The following COMT variants were observed in gnomAD, a reference collection of about 807,000 sequenced individuals.
The protein encoded by COMT is catechol-O-methyltransferase, also known as catechol O-methyltransferase.
COMT carries 13 observed loss-of-function variants against 18.9 expected under a neutral mutation model. That is an observed-to-expected ratio of 0.69 (90% CI 0.45 to 1.09). The LOEUF (loss-of-function observed/expected upper bound fraction) is 1.09, where lower values mean the gene tolerates loss of function less well. Among genes scored for constraint, COMT ranks in the 50% least tolerant of loss-of-function variants. COMT has a pLI of 0.00. For missense variants in COMT, 329 were observed against 361.8 expected, an observed-to-expected ratio of 0.91 and a Z score of 0.73; for synonymous variants, 150 against 160.9, an observed-to-expected ratio of 0.93 and a Z score of 0.51.
chr22:19,950,246 T>TC (rs1941906092), intron 1 of COMT, among the ~76,000 whole-genome samples: 2 of 73,120 alleles, frequency 2.7e-5, no homozygotes, highest in Non-Finnish European at 5.8e-5. Context: ...CTTTTCTTTT[T>TC]TTTTTTTTTT....
intron 3 of COMT, chr22:19,963,351 C>T (rs977488145): frequency 9.8e-6 from 6 of 614,164 alleles, no homozygotes; most frequent in South Asian, 2.0e-5. Flanking sequence ...GAGCTCCAAG[C>T]GCGCTCACAG....
At chr22:19,963,228 T>A (rs1475160602) in intron 3 of COMT, 5 of 497,468 alleles carry the variant, frequency 1.0e-5, no homozygotes, top group Non-Finnish European at 1.8e-5. Context: ...GGCCCCAAGG[T>A]GGGCGGTTCG....
rs145228139 is a variant in COMT, at chr22:19,963,704, C to G, written c.428C>G (p.Pro143Arg). The change falls in exon 4 of 6, where the codon CCC becomes CGC. Residue 143 changes from proline (P) to arginine (R), a missense_variant. Coordinates refer to ENST00000361682, the MANE Select transcript of COMT (RefSeq NM_000754.4). The part of the protein sequence containing the change: ...GARLITIEIN[P>R]DCAAITQRMV... ...AGGCTCATCACCATCGAGATCAACCCCGACTGTGCCGCCATCACCCAGCGG... is the reference window on the plus strand; with the variant it reads ...AGGCTCATCACCATCGAGATCAACCGCGACTGTGCCGCCATCACCCAGCGG... The G allele has an allele frequency of 1.3e-5, 21 of 1,612,892 alleles. No homozygotes were observed. The African/African-American group carries it at 2.7e-4, about 20-fold the overall frequency.
At chr22:19,958,312 G>A (rs561563015) in intron 1 of COMT, among the ~76,000 whole-genome samples, 153 of 151,470 alleles carry the variant, frequency 1.0e-3, no homozygotes, top group Non-Finnish European at 1.9e-3. Context: ...CTACACGTGC[G>A]GACCACCACG....
chr22:19,959,680 TCTC>T (rs910992743), intron 1 of COMT, among the ~76,000 whole-genome samples: 10 of 85,458 alleles, frequency 1.2e-4, no homozygotes, highest in African/African-American at 4.6e-4. Context: ...CCAGCGCTCT[TCTC>T]CTCTGGCGGT....
intron 5 of COMT, 156 bp downstream of exon 5, chr22:19,964,455 G>A: frequency 9.0e-7 from 1 of 1,114,810 alleles, no homozygotes; most frequent in Non-Finnish European, 1.3e-6. Context: ...GTGGGGGACT[G>A]AGGAGGCCCT....
intron 1 of COMT, among the ~76,000 whole-genome samples, chr22:19,945,940 C>G (rs971619460): frequency 1.3e-5 from 2 of 152,086 alleles, no homozygotes; most frequent in Non-Finnish European, 2.9e-5. Flanking sequence ...ACTGGGATTA[C>G]AGGCGTGAGC....
In COMT at chr22:19,969,652, T is replaced by G. The variant is rs1942631815; in HGVS notation, c.*916T>G. ...CACCGAGACCAGCCCCTAGCCAAGATTCTACTCCTGGGCTCAAGGCCTGGC... is the reference window on the plus strand; with the variant it reads ...CACCGAGACCAGCCCCTAGCCAAGAGTCTACTCCTGGGCTCAAGGCCTGGC... On this transcript the variant is annotated 3_prime_UTR_variant, in exon 6 of 6. Coordinates refer to ENST00000361682, the MANE Select transcript of COMT (RefSeq NM_000754.4). 1 of 176,494 alleles carries G rather than the reference T, an allele frequency of 5.7e-6. No individual in the cohort carries two copies. Among genetic ancestry groups the G allele is most frequent in the African/African-American group, 2.4e-5 (1 of 41,206 alleles). The allele number at this position is 176,494 out of a possible 1,614,324, so 10.9% of individuals were successfully genotyped here.
At chr22:19,943,910 C>T (rs1941793269) in intron 1 of COMT, among the ~76,000 whole-genome samples, 2 of 150,360 alleles carry the variant, frequency 1.3e-5, no homozygotes, top group African/African-American at 4.9e-5. Context: ...GAGGGGGGGT[C>T]TTCCTGGGCG....
chr22:19,968,616 C>A lies in COMT; in HGVS notation c.696C>A (p.His232Gln). The A allele has an allele frequency of 6.2e-7, 1 of 1,614,080 alleles. No homozygotes were observed. Among genetic ancestry groups the A allele is most frequent in the Non-Finnish European group, 8.5e-7 (1 of 1,179,996 alleles). Residue 232 changes from histidine (H) to glutamine (Q), a missense_variant, in exon 6 of 6, where the codon CAC becomes CAA. His to Gln is a conservative substitution (Grantham distance 24). Transcript: ENST00000361682. ...ICPGAPDFLAHVRGSSCFECT... is the reference protein window; with the variant it reads ...ICPGAPDFLAQVRGSSCFECT... Reference sequence around the variant, plus strand: ...CAGGTGCGCCAGACTTCCTAGCACACGTGCGCGGGAGCAGCTGCTTTGAGT... The same window carrying A: ...CAGGTGCGCCAGACTTCCTAGCACAAGTGCGCGGGAGCAGCTGCTTTGAGT...
intron 3 of COMT, 198 bp downstream of exon 3, chr22:19,963,013 G>A (rs1182038375): frequency 1.1e-5 from 7 of 627,332 alleles, no homozygotes; most frequent in Non-Finnish European, 1.9e-5. Context: ...CCTGCTGCCT[G>A]CTGCCCCAGG....
intron 1 of COMT, among the ~76,000 whole-genome samples, chr22:19,957,785 A>T (rs914093126): frequency 6.6e-6 from 1 of 152,238 alleles, no homozygotes; most frequent in African/African-American, 2.4e-5. Flanking sequence ...TGTGGACCTC[A>T]CGGGGGTCTC....
At chr22:19,946,584 G>T (rs1227406198) in intron 1 of COMT, among the ~76,000 whole-genome samples, 1 of 152,142 alleles carries the variant, frequency 6.6e-6, no homozygotes, top group Non-Finnish European at 1.5e-5. Flanking sequence ...GAAGCACTTT[G>T]CCCTGTAGCT....
intron 1 of COMT, among the ~76,000 whole-genome samples, chr22:19,943,512 T>C (rs539636463): frequency 7.2e-5 from 11 of 152,114 alleles, no homozygotes; most frequent in African/African-American, 2.7e-4. Flanking sequence ...CGTGGTGGCA[T>C]GGGCCTATAG....
At chr22:19,959,905 A>T (rs1601523650) in intron 1 of COMT, among the ~76,000 whole-genome samples, 1 of 152,040 alleles carries the variant, frequency 6.6e-6, no homozygotes, top group South Asian at 2.1e-4. Flanking sequence ...AGTTGGCCAC[A>T]GAGCCGCGGG....
At chr22:19,954,450 TTTTTG>T (rs759318370) in intron 1 of COMT, among the ~76,000 whole-genome samples, 10 of 152,108 alleles carry the variant, frequency 6.6e-5, no homozygotes, top group Admixed American at 4.6e-4. Flanking sequence ...AATTGTGCGT[TTTTTG>T]TTTTGTTTTG....
Position 19,963,747 on chromosome 22 carries a change from C to G in COMT, c.471C>G (p.Gly157=). 1 of 1,611,950 alleles carries G rather than the reference C, an allele frequency of 6.2e-7. No homozygotes were observed. The highest frequency in any genetic ancestry group is 8.5e-7 in the Non-Finnish European group (1 of 1,179,926). The change falls in exon 4 of 6, where the codon GGC becomes GGG. Residue 157 remains glycine (G), a synonymous_variant. Coordinates refer to ENST00000361682, the MANE Select transcript of COMT (RefSeq NM_000754.4). ...AITQRMVDFA[G]VKDKVTLVVG... ...CCCAGCGGATGGTGGATTTCGCTGG[C>G]GTGAAGGACAAGGTGTGCATGCCTG... is the stretch of plus-strand genomic sequence containing the variant.
chr22:19,968,583 G>C lies in COMT; in HGVS notation c.663G>C (p.Val221=). The C allele has an allele frequency of 6.2e-7, 1 of 1,614,096 alleles. No homozygotes were observed. Among genetic ancestry groups the C allele is most frequent in the East Asian group, 2.2e-5 (1 of 44,886 alleles). The change falls in exon 6 of 6, where the codon GTG becomes GTC. Residue 221 remains valine, a synonymous_variant. Coordinates refer to ENST00000361682, the MANE Select transcript of COMT (RefSeq NM_000754.4). ...GGACAGTGCTACTGGCTGACAACGT[G>C]ATCTGCCCAGGTGCGCCAGACTTCC... ...RKGTVLLADN[V]ICPGAPDFLA...
chr22:19,950,653 G>C (rs1371791378), intron 1 of COMT, among the ~76,000 whole-genome samples: 2 of 152,082 alleles, frequency 1.3e-5, no homozygotes, highest in Non-Finnish European at 2.9e-5. Flanking sequence ...AGAGAGGCCT[G>C]CAGCGGGGAT....
Sources: allele counts gnomAD v4.1 joint callset (sites outside exome capture counted in the v4.1 genomes callset), GRCh38; gene constraint gnomAD v4.1.1; transcripts MANE v1.5; gene names NCBI Gene and HGNC (gene_info 2026-07-23, HGNC 2026-07-21).